Variants in METTL15 observed in about 807,000 individuals in gnomAD.
METTL15 encodes methyltransferase 15, mitochondrial 12S rRNA N4-cytidine, also known as 12S rRNA N(4)-cytidine methyltransferase METTL15.
METTL15 carries 34 observed loss-of-function variants against 38.3 expected under a neutral mutation model. The ratio of observed to expected loss-of-function variants is 0.89; its 90% CI spans 0.68 to 1.18. The LOEUF is 1.18. METTL15 is among the 50% of genes most tolerant of loss of function. The pLI is 0.00. For missense variants in METTL15, 438 were observed against 498.4 expected (o/e 0.88, Z 1.15); for synonymous variants, 162 against 170.9 (o/e 0.95, Z 0.41).
chr11:28,197,571 G>A (rs576645258), intron 3 of METTL15: 6 of 432,874 alleles, frequency 1.4e-5, no homozygotes, highest in East Asian at 7.0e-5. Context: ...TGCCTAACAA[G>A]GATTTCCTGG....
intron 4 of METTL15, among the ~76,000 whole-genome samples, chr11:28,281,548 C>G (rs1383020343): frequency 6.6e-6 from 1 of 152,146 alleles, no homozygotes; most frequent in Non-Finnish European, 1.5e-5. Context: ...TTATAATTGT[C>G]TTATCTAGCT....
chr11:28,155,309 T>G (rs914512454), intron 3 of METTL15, among the ~76,000 whole-genome samples: 4 of 152,182 alleles, frequency 2.6e-5, no homozygotes, highest in Admixed American at 2.6e-4. Flanking sequence ...AAAAAACAAC[T>G]AACTTTTCTA....
chr11:28,245,701 A>T (rs1018136432), intron 4 of METTL15, among the ~76,000 whole-genome samples: 8 of 152,188 alleles, frequency 5.3e-5, no homozygotes, highest in Non-Finnish European at 8.8e-5. Flanking sequence ...ATTGACTATC[A>T]GTTCCATAGG....
chr11:28,343,216 A>G (rs1590339781), intron 3 of METTL15, among the ~76,000 whole-genome samples: 1 of 75,676 alleles, frequency 1.3e-5, no homozygotes, highest in South Asian at 2.9e-4. Context: ...CAGGGAGAAG[A>G]AAAAAAAAAA....
intron 5 of METTL15, among the ~76,000 whole-genome samples, chr11:28,374,390 A>C (rs936740127): frequency 7.9e-5 from 12 of 151,986 alleles, no homozygotes; most frequent in African/African-American, 2.9e-4. Context: ...CATCCCTTGT[A>C]AGTTGGTTTC....
intron 3 of METTL15, among the ~76,000 whole-genome samples, chr11:28,133,275 G>GT (rs1408874757): frequency 6.6e-6 from 1 of 152,110 alleles, no homozygotes; most frequent in South Asian, 2.1e-4. Flanking sequence ...TAAAGGGAGC[G>GT]TTTTTTACTA....
intron 3 of METTL15, among the ~76,000 whole-genome samples, chr11:28,143,878 G>C (rs2133668195): frequency 6.6e-6 from 1 of 152,302 alleles, no homozygotes; most frequent in East Asian, 1.9e-4. Context: ...GATCTCTTTT[G>C]ACATCTGACT....
chr11:28,479,085 G>GTT (rs1049583261), intron 6 of METTL15, among the ~76,000 whole-genome samples: 1 of 151,558 alleles, frequency 6.6e-6, no homozygotes, highest in African/African-American at 2.4e-5. Flanking sequence ...GTGTGTGTGT[G>GTT]TGTGTGTGTG....
chr11:28,358,749 T>C (rs1310592491), intron 4 of METTL15, among the ~76,000 whole-genome samples: 1 of 152,170 alleles, frequency 6.6e-6, no homozygotes, highest in African/African-American at 2.4e-5. Context: ...GCATGGAATC[T>C]CACACAGTAA....
chr11:28,162,621 A>G (rs1014555702), intron 3 of METTL15, among the ~76,000 whole-genome samples: 4 of 152,168 alleles, frequency 2.6e-5, no homozygotes, highest in African/African-American at 7.2e-5. Flanking sequence ...AATGTATTGA[A>G]TATACTTAAC....
intron 3 of METTL15, among the ~76,000 whole-genome samples, chr11:28,349,844 A>G (rs754991176): frequency 7.9e-5 from 12 of 152,236 alleles, no homozygotes; most frequent in Non-Finnish European, 1.6e-4. Flanking sequence ...AAATATTTTT[A>G]GAGAAAAGAA....
chr11:28,160,116 A>G (rs1850405163), intron 3 of METTL15, among the ~76,000 whole-genome samples: 1 of 152,042 alleles, frequency 6.6e-6, no homozygotes, highest in Non-Finnish European at 1.5e-5. Flanking sequence ...CTCCCAGCCT[A>G]CATCTTTCTC....
intron 6 of METTL15, among the ~76,000 whole-genome samples, chr11:28,473,946 C>T (rs1012113709): frequency 2.0e-5 from 3 of 151,906 alleles, no homozygotes; most frequent in Admixed American, 6.6e-5. Flanking sequence ...CATTCCCATA[C>T]CCCAGGGCAG....
intron 4 of METTL15, among the ~76,000 whole-genome samples, chr11:28,276,545 G>A (rs141332643): frequency 1.3e-5 from 2 of 152,150 alleles, no homozygotes; most frequent in East Asian, 3.9e-4. Context: ...ACTACAATCT[G>A]TATCAAACAC....
At chr11:28,469,965 C>T (rs189877513) in intron 6 of METTL15, among the ~76,000 whole-genome samples, 5 of 152,030 alleles carry the variant, frequency 3.3e-5, no homozygotes, top group Non-Finnish European at 7.4e-5. Flanking sequence ...TGAATATATT[C>T]TAACTTACCT....
intron 6 of METTL15, 45 bp from the exon 7 acceptor site, chr11:28,330,351 A>C (rs1258016418): frequency 7.0e-7 from 1 of 1,426,884 alleles, no homozygotes; most frequent in Non-Finnish European, 9.4e-7. Flanking sequence ...GAAAAATATT[A>C]ATGTTACCGG....
chr11:28,404,957 A>C (rs1219617315), intron 5 of METTL15, among the ~76,000 whole-genome samples: 1 of 152,162 alleles, frequency 6.6e-6, no homozygotes, highest in East Asian at 1.9e-4. Context: ...TTGTAAGACC[A>C]ATCATAGAAA....
chr11:28,139,842 C>T (rs899909215), intron 3 of METTL15, among the ~76,000 whole-genome samples: 1 of 152,138 alleles, frequency 6.6e-6, no homozygotes, highest in Non-Finnish European at 1.5e-5. Context: ...AGCTTAAATG[C>T]AGGATGGAGA....
intron 3 of METTL15, among the ~76,000 whole-genome samples, chr11:28,338,649 G>A (rs1849922855): frequency 6.6e-6 from 1 of 152,032 alleles, no homozygotes; most frequent in Non-Finnish European, 1.5e-5. Context: ...CAGAGTGGAT[G>A]AGAGATATCA....
Sources: gnomAD v4.1 joint callset for allele counts (sites outside exome capture counted in the v4.1 genomes callset) on GRCh38, gnomAD v4.1.1 for gene constraint, MANE v1.5 for transcripts, NCBI Gene and HGNC (gene_info 2026-07-23, HGNC 2026-07-21) for gene names.